TRIM51: variants seen among roughly 807,000 people sequenced by gnomAD.
TRIM51 encodes tripartite motif-containing 51.
A neutral mutation model predicts 32.7 loss-of-function variants in TRIM51; 23 were observed. The ratio of observed to expected loss-of-function variants is 0.70; its 90% CI spans 0.51 to 1.00. The LOEUF (loss-of-function observed/expected upper bound fraction) is 1.00. TRIM51 is among the 50% of genes least tolerant of loss of function. The probability of loss-of-function intolerance (pLI) is 0.00; values close to 1 mark genes in which losing one functional copy is unlikely to be tolerated. For synonymous variants in TRIM51, 177 were observed against 181.9 expected (o/e 0.97, Z 0.22); for missense variants, 592 against 539.2 (o/e 1.10, Z -0.97).
chr11:55,885,488 C>T lies in TRIM51; in HGVS notation c.60C>T (p.Asn20=), dbSNP rs754577519. Residue 20 remains asparagine, a synonymous_variant, in exon 2 of 7, where the codon AAC becomes AAT. Transcript: ENST00000449290. ...QRALTCPICM[N]YFLDPVTIDC... ...CACTCACCTGTCCCATCTGCATGAA[C>T]TACTTCCTAGACCCAGTCACCATAG... is the stretch of plus-strand genomic sequence containing the variant. 1.2e-6 allele frequency: 2 copies of T among 1,611,864 alleles called. No individual in the cohort carries two copies. Among genetic ancestry groups the T allele is most frequent in the African/African-American group, 2.7e-5 (2 of 74,818 alleles).
intron 3 of TRIM51, among the ~76,000 whole-genome samples, chr11:55,887,734 T>C (rs1236974872): frequency 1.3e-5 from 2 of 152,176 alleles, no homozygotes; most frequent in Non-Finnish European, 2.9e-5. Context: ...CTCGATAGTT[T>C]GATTCTTAAG....
chr11:55,884,697 T>C (rs1226732876), intron 1 of TRIM51, among the ~76,000 whole-genome samples: 1 of 152,118 alleles, frequency 6.6e-6, no homozygotes, highest in Non-Finnish European at 1.5e-5. Flanking sequence ...CATGTATTAT[T>C]TAATCCAGTC....
chr11:55,888,075 A>T lies in TRIM51; in HGVS notation c.551A>T (p.Gln184Leu). ...ATAGAAGCAATCAGAGCTGAATATCAGAAGATGCCTGCATTTCTCCATGAA... is the reference window on the plus strand; with the variant it reads ...ATAGAAGCAATCAGAGCTGAATATCTGAAGATGCCTGCATTTCTCCATGAA... ...LRIEAIRAEYQKMPAFLHEEE... is the reference protein window; with the variant it reads ...LRIEAIRAEYLKMPAFLHEEE... Residue 184 changes from glutamine (Q) to leucine (L), a missense_variant, in exon 4 of 7, where the codon CAG becomes CTG. Transcript: ENST00000449290. The T allele has an allele frequency of 6.2e-7, 1 of 1,613,448 alleles. No homozygotes were observed. Among genetic ancestry groups the T allele is most frequent in the South Asian group, 1.1e-5 (1 of 91,054 alleles).
chr11:55,883,473 A>G (rs920376431), intron 1 of TRIM51, 89 bp downstream of exon 1: 1 of 152,180 alleles, frequency 6.6e-6, no homozygotes, highest in Non-Finnish European at 1.5e-5. Flanking sequence ...GTCTAAACTT[A>G]CCGAATGATC....
rs749817663 is a variant in TRIM51, at chr11:55,888,104, G to C, written c.580G>C (p.Glu194Gln). 12 of 1,613,518 alleles carry C rather than the reference G, an allele frequency of 7.4e-6. No homozygotes were observed. Among genetic ancestry groups the C allele is most frequent in the Non-Finnish European group, 1.0e-5 (12 of 1,179,688 alleles). ...QKMPAFLHEE[E>Q]QHHLERLRKE... ...GATGCCTGCATTTCTCCATGAAGAA[G>C]AGCAACATCACTTGGAAAGGCTGCG... The change falls in exon 4 of 7, where the codon GAG becomes CAG. Residue 194 changes from glutamate to glutamine, a missense_variant. Glu to Gln is a conservative substitution (Grantham distance 29). Transcript: ENST00000449290.
chr11:55,884,613 C>T (rs1354383868), intron 1 of TRIM51, among the ~76,000 whole-genome samples: 1 of 152,086 alleles, frequency 6.6e-6, no homozygotes, highest in African/African-American at 2.4e-5. Context: ...GTTGCCCACT[C>T]AGCTCACCAA....
Position 55,888,213 on chromosome 11 carries a change from A to G in TRIM51, c.689A>G (p.Tyr230Cys). ...EHSRELLRGM[Y>C]EDLKQMCHKA... ...TCCAGGGAGCTTTTAAGAGGAATGT[A>G]TGAGGATCTGAAGCAAATGTGCCAT... The change falls in exon 4 of 7, where the codon TAT becomes TGT. Residue 230 changes from tyrosine to cysteine, a missense_variant. Coordinates refer to ENST00000449290, the MANE Select transcript of TRIM51 (RefSeq NM_032681.4). 6.2e-7 allele frequency: 1 copy of G among 1,613,602 alleles called. No homozygotes were observed. Among genetic ancestry groups the G allele is most frequent in the South Asian group, 1.1e-5 (1 of 91,074 alleles).
intron 1 of TRIM51, among the ~76,000 whole-genome samples, chr11:55,884,182 T>TATATATATATATATATATATATACAC (rs1458218535): frequency 1.7e-4 from 19 of 110,272 alleles, no homozygotes; most frequent in Middle Eastern, 4.9e-3. Flanking sequence ...TATATATATA[T>TATATATATATATATATATATATACAC]ACACATACCA....
At chr11:55,889,626 C>T (rs1008298080) in intron 5 of TRIM51, among the ~76,000 whole-genome samples, 1 of 152,066 alleles carries the variant, frequency 6.6e-6, no homozygotes, top group Admixed American at 6.6e-5. Flanking sequence ...ACAGTGATTT[C>T]AGGAATTTCT....
Position 55,885,697 on chromosome 11 carries a change from A to G in TRIM51, c.269A>G (p.Glu90Gly). Reference protein sequence around the residue: ...ASLRQFLSSEEQICGMHRETK... With the variant: ...ASLRQFLSSEGQICGMHRETK... ...CTCCGGCAATTCCTTAGCTCTGAGGAGCAAATATGTGGGATGCACAGAGAG... is the reference window on the plus strand; with the variant it reads ...CTCCGGCAATTCCTTAGCTCTGAGGGGCAAATATGTGGGATGCACAGAGAG... Residue 90 changes from glutamate to glycine, a missense_variant, in exon 2 of 7, where the codon GAG becomes GGG. Coordinates refer to ENST00000449290, the MANE Select transcript of TRIM51 (RefSeq NM_032681.4). 6.2e-7 allele frequency: 1 copy of G among 1,611,552 alleles called. No individual in the cohort carries two copies. Among genetic ancestry groups the G allele is most frequent in the Non-Finnish European group, 8.5e-7 (1 of 1,179,632 alleles).
At chr11:55,887,683 C>A (rs1854593706) in intron 3 of TRIM51, among the ~76,000 whole-genome samples, 1 of 152,082 alleles carries the variant, frequency 6.6e-6, no homozygotes, top group Admixed American at 6.6e-5. Context: ...TGCCCCAGTT[C>A]TCCAAAGTAG....
intron 1 of TRIM51, among the ~76,000 whole-genome samples, chr11:55,884,182 T>TATATATATATATATATATATACATAC (rs1458218535): frequency 5.4e-5 from 6 of 110,280 alleles, no homozygotes; most frequent in African/African-American, 1.8e-4. Flanking sequence ...TATATATATA[T>TATATATATATATATATATATACATAC]ACACATACCA....
intron 6 of TRIM51, among the ~76,000 whole-genome samples, 167 bp from the exon 7 acceptor site, chr11:55,890,966 A>T (rs1013230297): frequency 6.6e-6 from 1 of 152,180 alleles, no homozygotes; most frequent in Non-Finnish European, 1.5e-5. Context: ...CCTATAGAGA[A>T]TATTAATCAT....
In TRIM51 at chr11:55,885,835, G is replaced by A. The variant is rs759862126; in HGVS notation, c.407G>A (p.Arg136His). 2 of 1,611,696 alleles carry A rather than the reference G, an allele frequency of 1.2e-6. No homozygotes were observed. The highest frequency in any genetic ancestry group is 1.7e-6 in the Non-Finnish European group (2 of 1,179,672). The change falls in exon 2 of 7, where the codon CGC (arginine) becomes CAC (histidine). Residue 136 changes from arginine (R) to histidine (H), a missense_variant. Coordinates refer to ENST00000449290, the MANE Select transcript of TRIM51 (RefSeq NM_032681.4). Reference sequence around the variant, plus strand: ...CCCATTGAGTGGGCTGCTGAGGAACGCCGGGTAAGTGATGCCTCTGAAGAT... The same window carrying A: ...CCCATTGAGTGGGCTGCTGAGGAACACCGGGTAAGTGATGCCTCTGAAGAT... ...HCPIEWAAEERREELLKKMQS... is the reference protein window; with the variant it reads ...HCPIEWAAEEHREELLKKMQS...
In TRIM51 at chr11:55,891,252, T is replaced by C. The variant is rs1854645264; in HGVS notation, c.979T>C (p.Cys327Arg). 2 of 1,608,224 alleles carry C rather than the reference T, an allele frequency of 1.2e-6. No homozygotes were observed. The highest frequency in any genetic ancestry group is 1.7e-6 in the Non-Finnish European group (2 of 1,179,732). ...DDPDITGKSE[C>R]FLVWGAQAFT... Reference sequence around the variant, plus strand: ...TCCCGATATCACTGGAAAATCTGAATGTTTTCTTGTATGGGGGGCTCAGGC... The same window carrying C: ...TCCCGATATCACTGGAAAATCTGAACGTTTTCTTGTATGGGGGGCTCAGGC... Residue 327 changes from cysteine (C) to arginine (R), a missense_variant, in exon 7 of 7, where the codon TGT becomes CGT. By Grantham distance (180) the Cys-to-Arg change is radical. Coordinates refer to ENST00000449290, the MANE Select transcript of TRIM51 (RefSeq NM_032681.4).
intron 1 of TRIM51, among the ~76,000 whole-genome samples, chr11:55,885,117 A>G (rs1854558624): frequency 6.6e-6 from 1 of 152,072 alleles, no homozygotes; most frequent in Non-Finnish European, 1.5e-5. Flanking sequence ...TTCATTCTAG[A>G]CCACTTAAGA....
chr11:55,890,420 G>C, intron 6 of TRIM51, among the ~76,000 whole-genome samples: 1 of 152,122 alleles, frequency 6.6e-6, no homozygotes, highest in East Asian at 1.9e-4. Flanking sequence ...TTGGGGAATA[G>C]AGTTCACTGC....
rs200381673 is a variant in TRIM51, at chr11:55,888,052, A to G, written c.528A>G (p.Ile176Met). ...TGCAGGATTATGTGAGTTTAAGGATAGAAGCAATCAGAGCTGAATATCAGA... is the reference window on the plus strand; with the variant it reads ...TGCAGGATTATGTGAGTTTAAGGATGGAAGCAATCAGAGCTGAATATCAGA... ...RCWKDYVSLR[I>M]EAIRAEYQKM... The change falls in exon 4 of 7, where the codon ATA (isoleucine) becomes ATG (methionine). Residue 176 changes from isoleucine to methionine, a missense_variant. Coordinates refer to ENST00000449290, the MANE Select transcript of TRIM51 (RefSeq NM_032681.4). 7.9e-4 allele frequency: 1,275 copies of G among 1,607,780 alleles called. No homozygotes were observed. The highest frequency in any genetic ancestry group is 9.9e-4 in the Non-Finnish European group (1,165 of 1,174,394).
At chr11:55,886,547 A>C (rs1267360795) in intron 3 of TRIM51, among the ~76,000 whole-genome samples, 1 of 152,174 alleles carries the variant, frequency 6.6e-6, no homozygotes, top group Non-Finnish European at 1.5e-5. Context: ...GTTATTTGTC[A>C]GTCATGGAAA....
Sources: allele counts gnomAD v4.1 joint callset (sites outside exome capture counted in the v4.1 genomes callset), GRCh38; gene constraint gnomAD v4.1.1; transcripts MANE v1.5; gene names NCBI Gene and HGNC (gene_info 2026-07-23, HGNC 2026-07-21).